The following AKT3 variants were observed in gnomAD, a reference collection of about 807,000 sequenced individuals.
AKT3 encodes RAC-gamma serine/threonine-protein kinase.
A neutral mutation model predicts 65.3 loss-of-function variants in AKT3; 15 were observed. The observed-to-expected ratio is 0.23, with a 90% CI of 0.15 to 0.35. The LOEUF (loss-of-function observed/expected upper bound fraction) is 0.35, where lower values mean the gene tolerates loss of function less well. Among genes scored for constraint, AKT3 ranks in the 10% least tolerant of loss-of-function variants. AKT3 has a pLI of 1.00. For missense variants in AKT3, 243 were observed against 576.5 expected (o/e 0.42, Z 5.92); for synonymous variants, 206 against 183.8 (o/e 1.12, Z -0.98).
chr1:243,742,059 T>TAAAAAAAAAAAAAAAAAAAAAGAA (rs36056068), intron 2 of AKT3, among the ~76,000 whole-genome samples: 1 of 125,586 alleles, frequency 8.0e-6, no homozygotes, highest in Non-Finnish European at 1.6e-5. Flanking sequence ...GATAGAAAAT[T>TAAAAAAAAAAAAAAAAAAAAAGAA]AAAAAAAAAA....
At chr1:243,819,404 G>A (rs552136724) in intron 2 of AKT3, among the ~76,000 whole-genome samples, 1 of 152,318 alleles carries the variant, frequency 6.6e-6, no homozygotes, top group South Asian at 2.1e-4. Context: ...CTTCAGGCCA[G>A]ATCCTGACCC....
chr1:243,803,784 T>C (rs1692539811), intron 2 of AKT3, among the ~76,000 whole-genome samples: 1 of 151,848 alleles, frequency 6.6e-6, no homozygotes, highest in Non-Finnish European at 1.5e-5. Context: ...AATGAGCACA[T>C]AACCCAGGAT....
intron 3 of AKT3, among the ~76,000 whole-genome samples, chr1:243,667,398 A>G (rs1027577278): frequency 6.6e-6 from 1 of 152,008 alleles, no homozygotes; most frequent in Non-Finnish European, 1.5e-5. Context: ...GGCTTCCTCT[A>G]TCTCACATGA....
At chr1:243,553,746 T>C (rs1437790399) in intron 10 of AKT3, among the ~76,000 whole-genome samples, 1 of 152,218 alleles carries the variant, frequency 6.6e-6, no homozygotes, top group Non-Finnish European at 1.5e-5. Context: ...TGGAGCAACC[T>C]GTTCAAATGG....
At chr1:243,617,481 T>TA (rs926715548) in intron 6 of AKT3, among the ~76,000 whole-genome samples, 2 of 151,568 alleles carry the variant, frequency 1.3e-5, no homozygotes, top group African/African-American at 2.4e-5. Flanking sequence ...GGTAACTTAA[T>TA]AAAAAAAATA....
intron 5 of AKT3, among the ~76,000 whole-genome samples, chr1:243,642,522 G>C (rs994154448): frequency 6.6e-6 from 1 of 152,116 alleles, no homozygotes; most frequent in Admixed American, 6.5e-5. Flanking sequence ...TGTTAGCCAG[G>C]ATGGTCTCGA....
intron 2 of AKT3, among the ~76,000 whole-genome samples, chr1:243,723,111 C>T (rs1687012796): frequency 1.3e-5 from 2 of 152,206 alleles, no homozygotes; most frequent in Admixed American, 6.5e-5. Flanking sequence ...GGGATTATTA[C>T]AAAGCAACTA....
In AKT3 at chr1:243,501,251, G is replaced by C. The variant is rs1237224190; in HGVS notation, c.*3998C>G. 8.6e-6 allele frequency: 2 copies of C among 232,840 alleles called. No individual in the cohort carries two copies. The highest frequency in any genetic ancestry group is 4.4e-5 in the African/African-American group (2 of 45,316). 14.4% of individuals were successfully genotyped at this position (232,840 alleles called of 1,614,324 possible). A position where few individuals can be genotyped will look rare whatever the true frequency, so the allele number is the denominator to read the frequency against. On this transcript the variant is annotated 3_prime_UTR_variant, in exon 14 of 14. Transcript: ENST00000673466. ...TGATTCAACGTGAAGTCAGACTGCA[G>C]TCCAGCCATCCTACCCATCTACATC...
chr1:243,839,049 T>C (rs1035223036), intron 2 of AKT3, among the ~76,000 whole-genome samples: 1 of 152,210 alleles, frequency 6.6e-6, no homozygotes, highest in Non-Finnish European at 1.5e-5. Flanking sequence ...TAACTTATTA[T>C]CAAGGAACTA....
rs750973612 is a variant in AKT3 at position 243,501,308 on chromosome 1, C to T, written c.*3941G>A. 2.3e-4 allele frequency: 53 copies of T among 233,076 alleles called. No homozygotes were observed. The highest frequency in any genetic ancestry group is 1.0e-3 in the Admixed American group (18 of 17,784). 14.4% of individuals were successfully genotyped at this position (233,076 alleles called of 1,614,324 possible). On this transcript the variant is annotated 3_prime_UTR_variant, in exon 14 of 14. Coordinates refer to ENST00000673466, the MANE Select transcript of AKT3 (RefSeq NM_005465.7). ...GTCTAAGTTTGTTAATTTGCCATGA[C>T]ATGTTGTTAGAAATACACTCTAAGA...
In AKT3 at chr1:243,794,957, C is replaced by T. The variant is rs774851641; in HGVS notation, c.46+48168G>A. ...GTTTGCCTGCTGTCATCTCTCATCT[C>T]GTTCTCTTTACCCTCATGGATTTCT... is the stretch of plus-strand genomic sequence containing the variant. On this transcript the variant is annotated intron_variant, in intron 2 of 13. Transcript: ENST00000673466. 3.9e-5 allele frequency among the ~76,000 whole-genome samples: 6 copies of T among 152,190 alleles called. No individual in the cohort carries two copies. The South Asian group carries it at 1.0e-3, about 26-fold the overall frequency.
chr1:243,746,124 T>C (rs1219255175), intron 2 of AKT3, among the ~76,000 whole-genome samples: 2 of 152,194 alleles, frequency 1.3e-5, no homozygotes, highest in East Asian at 3.8e-4. Flanking sequence ...TCTGTTTCCA[T>C]TTAGCCCTAT....
At chr1:243,526,811 A>AAAAT (rs1671133074) in intron 12 of AKT3, among the ~76,000 whole-genome samples, 1 of 133,958 alleles carries the variant, frequency 7.5e-6, no homozygotes, top group African/African-American at 2.6e-5. Context: ...AAAAAAAAAA[A>AAAAT]AAAATTTAGA....
intron 2 of AKT3, among the ~76,000 whole-genome samples, chr1:243,763,816 A>G (rs1310980794): frequency 4.6e-5 from 7 of 152,154 alleles, no homozygotes; most frequent in Middle Eastern, 3.2e-3. Context: ...TTTAAATATC[A>G]TATTTCCTTT....
intron 2 of AKT3, among the ~76,000 whole-genome samples, chr1:243,740,009 CA>C (rs1688056122): frequency 6.6e-6 from 1 of 152,104 alleles, no homozygotes; most frequent in African/African-American, 2.4e-5. Flanking sequence ...TGTAGGCACT[CA>C]AAAAATATGA....
chr1:243,802,280 G>T (rs1438444747), intron 2 of AKT3, among the ~76,000 whole-genome samples: 1 of 152,150 alleles, frequency 6.6e-6, no homozygotes, highest in African/African-American at 2.4e-5. Flanking sequence ...GTTACAAAAA[G>T]TTCCATATGA....
At chr1:243,704,337 T>A (rs1407840894) in intron 2 of AKT3, among the ~76,000 whole-genome samples, 1 of 152,082 alleles carries the variant, frequency 6.6e-6, no homozygotes, top group African/African-American at 2.4e-5. Context: ...CCAGCCCTCA[T>A]GGAGCTTTAA....
chr1:243,585,313 C>T (rs1275016887), intron 8 of AKT3, among the ~76,000 whole-genome samples: 1 of 151,960 alleles, frequency 6.6e-6, no homozygotes, highest in Non-Finnish European at 1.5e-5. Flanking sequence ...TATTTCCCTG[C>T]CCAAAGCAAT....
At chr1:243,690,677 AT>A (rs2148008687) in intron 3 of AKT3, among the ~76,000 whole-genome samples, 1 of 147,264 alleles carries the variant, frequency 6.8e-6, no homozygotes, top group South Asian at 2.3e-4. Flanking sequence ...AGTGCTGGAA[AT>A]GGGGCCCCAA....
Sources: gnomAD v4.1 joint callset for allele counts (sites outside exome capture counted in the v4.1 genomes callset) on GRCh38, gnomAD v4.1.1 for gene constraint, MANE v1.5 for transcripts, NCBI Gene and HGNC (gene_info 2026-07-23, HGNC 2026-07-21) for gene names.